The following DDC variants were observed in gnomAD, a reference collection of about 807,000 sequenced individuals.
The protein encoded by DDC is aromatic-L-amino-acid decarboxylase.
A neutral mutation model predicts 60.0 loss-of-function variants in DDC; 43 were observed. The observed-to-expected ratio is 0.72, with a 90% CI of 0.56 to 0.92. DDC has a LOEUF of 0.92. DDC is among the 40% of genes least tolerant of loss of function. The probability of loss-of-function intolerance (pLI) is 0.00; values close to 1 mark genes in which losing one functional copy is unlikely to be tolerated. For missense variants in DDC, 573 were observed against 620.2 expected (o/e 0.92, Z 0.81); for synonymous variants, 232 against 234.6 (o/e 0.99, Z 0.10).
chr7:50,541,566 G>A (rs778670500), intron 2 of DDC, among the ~76,000 whole-genome samples: 2 of 152,190 alleles, frequency 1.3e-5, no homozygotes, highest in African/African-American at 2.4e-5. Context: ...ATAAGAAAAG[G>A]CAGAGAGCTG....
intron 4 of DDC, among the ~76,000 whole-genome samples, chr7:50,529,630 T>G (rs2044141106): frequency 6.6e-6 from 1 of 152,194 alleles, no homozygotes; most frequent in South Asian, 2.1e-4. Context: ...CTTCTCCTCA[T>G]GGACTGCCCC....
chr7:50,507,578 T>G (rs373980748), intron 6 of DDC, among the ~76,000 whole-genome samples: 63 of 152,302 alleles, frequency 4.1e-4, no homozygotes, highest in African/African-American at 1.5e-3. Context: ...CTTATTAAAA[T>G]TATTTTCTCT....
At chr7:50,522,316 T>C (rs1027276808) in intron 6 of DDC, among the ~76,000 whole-genome samples, 1 of 152,142 alleles carries the variant, frequency 6.6e-6, no homozygotes, top group Non-Finnish European at 1.5e-5. Flanking sequence ...GGATAGGAAG[T>C]CTCAATATCA....
At chr7:50,556,876 G>C (rs766584265) in intron 1 of DDC, among the ~76,000 whole-genome samples, 7 of 151,980 alleles carry the variant, frequency 4.6e-5, no homozygotes, top group Non-Finnish European at 7.4e-5. Context: ...TAGAAAGAAT[G>C]GTGGATTTGC....
At chr7:50,488,325 AAAG>A (rs1405622015) in intron 9 of DDC, among the ~76,000 whole-genome samples, 3 of 152,034 alleles carry the variant, frequency 2.0e-5, no homozygotes, top group Admixed American at 6.5e-5. Context: ...TTCTTATTAA[AAAG>A]AAATAATTTT....
chr7:50,511,365 A>C (rs73121282), intron 6 of DDC, among the ~76,000 whole-genome samples: 15,729 of 152,008 alleles, frequency 0.1, 1,060 homozygotes, highest in South Asian at 0.14. Context: ...GTAATATTTG[A>C]TGTAAAGAAA....
intron 12 of DDC, 40 bp from the exon 13 acceptor site, chr7:50,467,355 A>G: frequency 6.5e-7 from 1 of 1,542,992 alleles, no homozygotes; most frequent in Non-Finnish European, 9.0e-7. Flanking sequence ...TCTCATGGCC[A>G]TTTAATTCAG....
chr7:50,541,766 T>A (rs985795864), intron 2 of DDC, among the ~76,000 whole-genome samples: 3 of 152,216 alleles, frequency 2.0e-5, no homozygotes, highest in Admixed American at 2.0e-4. Flanking sequence ...CTGTAAGATA[T>A]CTCTTACAAT....
chr7:50,465,261 G>A (rs536835247), intron 13 of DDC, among the ~76,000 whole-genome samples: 1 of 152,332 alleles, frequency 6.6e-6, no homozygotes, highest in Non-Finnish European at 1.5e-5. Context: ...CCCTGAGGAT[G>A]GGGAAAGTGG....
intron 14 of DDC, among the ~76,000 whole-genome samples, chr7:50,460,921 G>A (rs545572031): frequency 6.6e-5 from 10 of 151,638 alleles, no homozygotes; most frequent in Admixed American, 6.6e-5. Flanking sequence ...GCGGAAGGCC[G>A]CAGGGTCCTC....
chr7:50,488,210 G>A (rs1043199768), intron 9 of DDC, among the ~76,000 whole-genome samples: 1 of 151,656 alleles, frequency 6.6e-6, no homozygotes, highest in Non-Finnish European at 1.5e-5. Context: ...ATATAATTTA[G>A]AATCTAAAGT....
chr7:50,548,758 TA>T (rs2044886246), intron 1 of DDC, among the ~76,000 whole-genome samples: 1 of 152,178 alleles, frequency 6.6e-6, no homozygotes, highest in South Asian at 2.1e-4. Context: ...GTGGCTACGG[TA>T]AACCATAGAT....
intron 6 of DDC, among the ~76,000 whole-genome samples, chr7:50,519,589 G>A (rs144040962): frequency 4.2e-4 from 64 of 152,288 alleles, no homozygotes; most frequent in African/African-American, 1.4e-3. Context: ...AACAGCATTC[G>A]CAGTGACCTG....
At chr7:50,500,216 G>A (rs1271557172) in intron 7 of DDC, among the ~76,000 whole-genome samples, 1 of 151,882 alleles carries the variant, frequency 6.6e-6, no homozygotes, top group Admixed American at 6.5e-5. Flanking sequence ...CATTTGTAGG[G>A]ATCCATGGAT....
chr7:50,483,540 C>G (rs1181741993), intron 9 of DDC, among the ~76,000 whole-genome samples: 1 of 152,080 alleles, frequency 6.6e-6, no homozygotes, highest in Non-Finnish European at 1.5e-5. Context: ...TTTTGCTGCT[C>G]TCTGTGAATT....
intron 11 of DDC, among the ~76,000 whole-genome samples, chr7:50,473,660 T>C (rs1342074862): frequency 6.6e-6 from 1 of 151,900 alleles, no homozygotes; most frequent in Non-Finnish European, 1.5e-5. Flanking sequence ...CTGCCTGGGT[T>C]CCTTTAGAAG....
rs150166190 is a variant in DDC, at chr7:50,470,035, C to T, written c.1140+38G>A. On this transcript the variant is annotated intron_variant, in intron 12 of 14. Coordinates refer to ENST00000444124, the MANE Select transcript of DDC (RefSeq NM_001082971.2). Reference sequence around the variant, plus strand: ...TATTTCTAAAGTCCCGAAAGACCTCCGCAATTTTACCGTGATAAATAATAA... The same window carrying T: ...TATTTCTAAAGTCCCGAAAGACCTCTGCAATTTTACCGTGATAAATAATAA... The T allele has an allele frequency of 3.0e-4, 409 of 1,355,756 alleles. 3 individuals are homozygous for T. The East Asian group carries it at 6.1e-3, about 20-fold the overall frequency. 84.0% of individuals were successfully genotyped at this position (1,355,756 alleles called of 1,614,324 possible). A position where few individuals can be genotyped will look rare whatever the true frequency, so the allele number is the denominator to read the frequency against.
intron 1 of DDC, among the ~76,000 whole-genome samples, chr7:50,562,572 A>G (rs529442773): frequency 6.6e-6 from 1 of 152,328 alleles, no homozygotes; most frequent in African/African-American, 2.4e-5. Flanking sequence ...GTCCTGAGGA[A>G]CACAGACTCC....
chr7:50,462,448 A>T (rs2056874684), intron 14 of DDC, among the ~76,000 whole-genome samples: 1 of 152,186 alleles, frequency 6.6e-6, no homozygotes, highest in Non-Finnish European at 1.5e-5. Context: ...TTTAACTATG[A>T]GGGGTAAACC....
Sources: allele counts gnomAD v4.1 joint callset (sites outside exome capture counted in the v4.1 genomes callset), GRCh38; gene constraint gnomAD v4.1.1; transcripts MANE v1.5; gene names NCBI Gene and HGNC (gene_info 2026-07-23, HGNC 2026-07-21).